UBE3A: variants seen among roughly 807,000 people sequenced by gnomAD.
The protein encoded by UBE3A is ubiquitin protein ligase E3A, also known as ubiquitin-protein ligase E3A.
A neutral mutation model predicts 83.4 loss-of-function variants in UBE3A; 6 were observed. The observed-to-expected ratio is 0.07, with a 90% CI of 0.04 to 0.14. UBE3A has a LOEUF of 0.14. Ranked by LOEUF, UBE3A falls within the 10% of genes least tolerant of loss-of-function variation. The probability of loss-of-function intolerance (pLI) is 1.00; values close to 1 mark genes in which losing one functional copy is unlikely to be tolerated. For missense variants in UBE3A, 456 were observed against 1,036.1 expected (o/e 0.44, Z 7.69); for synonymous variants, 337 against 355.4 (o/e 0.95, Z 0.58).
chr15:25,396,217 G>A (rs1312289406), intron 4 of UBE3A, among the ~76,000 whole-genome samples: 1 of 151,860 alleles, frequency 6.6e-6, no homozygotes, highest in African/African-American at 2.4e-5. Context: ...AAAATCTGAA[G>A]TTACTGAGAA....
intron 6 of UBE3A, among the ~76,000 whole-genome samples, chr15:25,364,632 G>GTTT (rs80152524): frequency 6.7e-4 from 81 of 121,128 alleles, no homozygotes; most frequent in African/African-American, 2.8e-3. Flanking sequence ...GATTTTTAGG[G>GTTT]TTTTTTTTGT....
chr15:25,402,052 T>C (rs1465963375), intron 4 of UBE3A, among the ~76,000 whole-genome samples: 1 of 152,212 alleles, frequency 6.6e-6, no homozygotes, highest in Non-Finnish European at 1.5e-5. Context: ...TTCTTTATGG[T>C]TGGTTCAGGT....
rs1016121756 is a variant in UBE3A, at chr15:25,408,960, T to G, written c.20+128A>C. The G allele has an allele frequency of 4.2e-6, 4 of 955,236 alleles. No individual in the cohort carries two copies. The African/African-American group carries it at 6.6e-5, about 16-fold the overall frequency. The allele number at this position is 955,236 out of a possible 1,614,324, so 59.2% of individuals were successfully genotyped here. A position where few individuals can be genotyped will look rare whatever the true frequency, so the allele number is the denominator to read the frequency against. ...AATATTTTAAGGAGATTAAATGAAGTAGGTCAACTCTCAGGCCCACTATTC... is the reference window on the plus strand; with the variant it reads ...AATATTTTAAGGAGATTAAATGAAGGAGGTCAACTCTCAGGCCCACTATTC... On this transcript the variant is annotated intron_variant, in intron 3 of 12. Coordinates refer to ENST00000648336, the MANE Select transcript of UBE3A (RefSeq NM_130839.5).
Position 25,415,396 on chromosome 15 carries a change from G to T in UBE3A, c.-164-3425C>A, listed in dbSNP as rs141357020. 5.7e-3 allele frequency among the ~76,000 whole-genome samples: 866 copies of T among 152,236 alleles called. 7 individuals are homozygous for T. Among genetic ancestry groups the T allele is most frequent in the African/African-American group, 0.02 (832 of 41,542 alleles). ...ATCCCAGCACTACTGCCCACTATATGACATCATCACCAGTTACCAGATCTA... is the reference window on the plus strand; with the variant it reads ...ATCCCAGCACTACTGCCCACTATATTACATCATCACCAGTTACCAGATCTA... On this transcript the variant is annotated intron_variant, in intron 1 of 12. Coordinates refer to ENST00000648336, the MANE Select transcript of UBE3A (RefSeq NM_130839.5).
chr15:25,414,995 A>G (rs2090613671), intron 1 of UBE3A, among the ~76,000 whole-genome samples: 1 of 152,220 alleles, frequency 6.6e-6, no homozygotes, highest in Admixed American at 6.5e-5. Context: ...CTCTTAGGGA[A>G]CTAGCTTTCA....
intron 4 of UBE3A, among the ~76,000 whole-genome samples, chr15:25,398,809 AT>A (rs2086351261): frequency 1.4e-5 from 1 of 71,326 alleles, no homozygotes; most frequent in Admixed American, 1.9e-4. Context: ...ATATATATAT[AT>A]ATATAAAAAT....
intron 4 of UBE3A, among the ~76,000 whole-genome samples, chr15:25,398,622 A>G (rs1219612002): frequency 2.0e-5 from 3 of 151,256 alleles, no homozygotes; most frequent in Non-Finnish European, 2.9e-5. Flanking sequence ...CCTCCTTTTT[A>G]TGGCTGAAGT....
chr15:25,360,549 A>G, intron 6 of UBE3A, 22 bp from the exon 7 acceptor site: 2 of 1,611,486 alleles, frequency 1.2e-6, no homozygotes, highest in Middle Eastern at 1.7e-4. Flanking sequence ...AAAGATAAAC[A>G]TGAAAAGAAG....
intron 1 of UBE3A, among the ~76,000 whole-genome samples, chr15:25,413,232 A>C (rs981757663): frequency 2.6e-5 from 4 of 152,192 alleles, no homozygotes; most frequent in African/African-American, 7.2e-5. Flanking sequence ...CAGTCTAATA[A>C]TCTTATAAAT....
intron 1 of UBE3A, among the ~76,000 whole-genome samples, chr15:25,435,018 AC>A (rs1894630821): frequency 7.2e-6 from 1 of 139,756 alleles, no homozygotes; most frequent in African/African-American, 2.6e-5. Context: ...ACACACACAC[AC>A]AAATACTAAT....
intron 4 of UBE3A, among the ~76,000 whole-genome samples, chr15:25,390,937 T>C (rs140847728): frequency 2.1e-5 from 3 of 144,582 alleles, no homozygotes; most frequent in African/African-American, 7.9e-5. Flanking sequence ...CTAGAACTCC[T>C]GTAAAAAAAA....
intron 6 of UBE3A, among the ~76,000 whole-genome samples, chr15:25,367,226 T>TATTTGTAAATATGTAAATATTTACAC: frequency 1.4e-5 from 1 of 72,938 alleles, no homozygotes; most frequent in Non-Finnish European, 2.4e-5. Flanking sequence ...AATATTTACA[T>TATTTGTAAATATGTAAATATTTACAC]ATTTGTAAAT....
chr15:25,382,957 G>A (rs1025208435), intron 4 of UBE3A, among the ~76,000 whole-genome samples: 18 of 151,546 alleles, frequency 1.2e-4, no homozygotes, highest in African/African-American at 2.7e-4. Context: ...GTCCAACAAC[G>A]CCAGGGCTTC....
chr15:25,394,487 A>G (rs1277942288), intron 4 of UBE3A, among the ~76,000 whole-genome samples: 1 of 152,246 alleles, frequency 6.6e-6, no homozygotes, highest in East Asian at 1.9e-4. Flanking sequence ...AAAATATTTC[A>G]GTATGTTACT....
chr15:25,380,684 T>C (rs1336146561), intron 4 of UBE3A, among the ~76,000 whole-genome samples: 1 of 152,178 alleles, frequency 6.6e-6, no homozygotes, highest in South Asian at 2.1e-4. Context: ...CTGTTCATAA[T>C]CAAAATTCCT....
At chr15:25,391,294 C>CA (rs2084315846) in intron 4 of UBE3A, among the ~76,000 whole-genome samples, 1 of 152,072 alleles carries the variant, frequency 6.6e-6, no homozygotes, top group African/African-American at 2.4e-5. Context: ...CCAAAACAGT[C>CA]AAATTTTAGA....
intron 1 of UBE3A, among the ~76,000 whole-genome samples, chr15:25,421,668 T>TTA (rs1404217946): frequency 6.6e-6 from 1 of 152,170 alleles, no homozygotes; most frequent in Non-Finnish European, 1.5e-5. Context: ...TGAATGTACT[T>TTA]TATGTCACTG....
intron 11 of UBE3A, among the ~76,000 whole-genome samples, chr15:25,350,220 G>A (rs980474170): frequency 2.3e-4 from 35 of 152,068 alleles, no homozygotes; most frequent in African/African-American, 8.0e-4. Context: ...AAGATTGCAT[G>A]AGCCCAGGAG....
At chr15:25,343,725 T>C (rs947493588) in intron 11 of UBE3A, among the ~76,000 whole-genome samples, 8 of 152,126 alleles carry the variant, frequency 5.3e-5, no homozygotes, top group African/African-American at 1.7e-4. Flanking sequence ...GAAAAAATAT[T>C]TGCGAATTTA....
Sources: gnomAD v4.1 joint callset for allele counts (sites outside exome capture counted in the v4.1 genomes callset) on GRCh38, gnomAD v4.1.1 for gene constraint, MANE v1.5 for transcripts, NCBI Gene and HGNC (gene_info 2026-07-23, HGNC 2026-07-21) for gene names.